The following SUSD6 variants were observed in gnomAD, a reference collection of about 807,000 sequenced individuals.
SUSD6 encodes sushi domain-containing protein 6.
A neutral mutation model predicts 28.4 loss-of-function variants in SUSD6; 16 were observed. That is an observed-to-expected ratio of 0.56 (90% confidence interval 0.38 to 0.86). SUSD6 has a LOEUF of 0.86. Ranked by LOEUF, SUSD6 falls within the 40% of genes least tolerant of loss-of-function variation. The probability of loss-of-function intolerance (pLI) is 0.00; values close to 1 mark genes in which losing one functional copy is unlikely to be tolerated. For missense variants in SUSD6, 341 were observed against 384.2 expected, an observed-to-expected ratio of 0.89 and a Z score of 0.94; for synonymous variants, 147 against 159.6, an observed-to-expected ratio of 0.92 and a Z score of 0.59.
At chr14:69,702,888 G>A (rs186352854) in intron 2 of SUSD6, among the ~76,000 whole-genome samples, 32 of 152,302 alleles carry the variant, frequency 2.1e-4, no homozygotes, top group African/African-American at 6.7e-4. Context: ...TCAGAGAATG[G>A]AAGATGCACA....
chr14:69,697,823 C>T (rs1188429966), intron 2 of SUSD6, among the ~76,000 whole-genome samples: 1 of 152,190 alleles, frequency 6.6e-6, no homozygotes, highest in African/African-American at 2.4e-5. Context: ...CATATTTGAG[C>T]AGCTTGTGTC....
chr14:69,651,370 T>C (rs551973314), intron 1 of SUSD6, among the ~76,000 whole-genome samples: 1 of 152,270 alleles, frequency 6.6e-6, no homozygotes, highest in African/African-American at 2.4e-5. Flanking sequence ...GCGCAGGGAA[T>C]ATCAAAGCAA....
chr14:69,642,575 A>G (rs1273826009), intron 1 of SUSD6, among the ~76,000 whole-genome samples: 3 of 152,144 alleles, frequency 2.0e-5, no homozygotes, highest in Non-Finnish European at 4.4e-5. Context: ...AACCCATCAG[A>G]TCTTGTGAGA....
intron 4 of SUSD6, among the ~76,000 whole-genome samples, chr14:69,707,386 A>G (rs903357211): frequency 6.6e-6 from 1 of 152,230 alleles, no homozygotes; most frequent in Non-Finnish European, 1.5e-5. Flanking sequence ...CCTCACACGT[A>G]TGATGTTGAG....
intron 1 of SUSD6, among the ~76,000 whole-genome samples, chr14:69,612,927 C>G (rs75145984): frequency 1.0e-3 from 156 of 152,256 alleles, no homozygotes; most frequent in African/African-American, 3.6e-3. Context: ...ATAGGAGTTA[C>G]GCACACACAC....
intron 1 of SUSD6, among the ~76,000 whole-genome samples, chr14:69,645,240 C>G (rs1336724837): frequency 6.6e-6 from 1 of 152,136 alleles, no homozygotes; most frequent in Non-Finnish European, 1.5e-5. Context: ...AATCCTAAAC[C>G]TGAAACTCAG....
rs1886477620 is a variant in SUSD6 at position 69,712,441 on chromosome 14, G to A, written c.*1462G>A. The A allele has an allele frequency of 6.6e-6, 1 of 152,306 alleles. No homozygotes were observed. Among genetic ancestry groups the A allele is most frequent in the South Asian group, 2.1e-4 (1 of 4,832 alleles). 9.4% of individuals were successfully genotyped at this position (152,306 alleles called of 1,614,324 possible). On this transcript the variant is annotated 3_prime_UTR_variant, in exon 6 of 6. Coordinates refer to ENST00000342745, the MANE Select transcript of SUSD6 (RefSeq NM_014734.4). ...ACTGCTGTCATCTTAGAAGATAGAT[G>A]CAGCAGTAAGGAATGTTTGTTTTGC...
intron 1 of SUSD6, among the ~76,000 whole-genome samples, chr14:69,612,311 C>G (rs1247589215): frequency 2.0e-5 from 3 of 152,194 alleles, no homozygotes; most frequent in East Asian, 1.9e-4. Context: ...CTGAGGAAAT[C>G]TCAGAGCCCG....
chr14:69,703,877 C>T (rs1366440708), intron 3 of SUSD6: 17 of 499,122 alleles, frequency 3.4e-5, no homozygotes, highest in Non-Finnish European at 5.1e-5. Flanking sequence ...TGACCCTTGA[C>T]CATGTTCTGC....
chr14:69,617,027 A>G (rs1285500038), intron 1 of SUSD6: 2 of 152,248 alleles, frequency 1.3e-5, no homozygotes, highest in Non-Finnish European at 2.9e-5. Context: ...ATATAGATGG[A>G]ATCATATGAT....
intron 2 of SUSD6, among the ~76,000 whole-genome samples, chr14:69,665,587 G>A (rs1469600252): frequency 6.6e-6 from 1 of 152,140 alleles, no homozygotes; most frequent in African/African-American, 2.4e-5. Flanking sequence ...TTGTCCCTAG[G>A]ATTTCTTCAC....
rs1231551051 is a variant in SUSD6 at position 69,611,596 on chromosome 14, A to G, written c.-313A>G. 6.9e-6 allele frequency: 1 copy of G among 145,024 alleles called. No homozygotes were observed. Among genetic ancestry groups the G allele is most frequent in the Non-Finnish European group, 1.5e-5 (1 of 66,420 alleles). 9.0% of individuals were successfully genotyped at this position (145,024 alleles called of 1,614,324 possible). On this transcript the variant is annotated 5_prime_UTR_variant, in exon 1 of 6. Coordinates refer to ENST00000342745, the MANE Select transcript of SUSD6 (RefSeq NM_014734.4). ...CCCGCCCGCGCGGTACAGCTGGGTCAGTGACGCGGGCGCTGCAGCCGTCGC... is the reference window on the plus strand; with the variant it reads ...CCCGCCCGCGCGGTACAGCTGGGTCGGTGACGCGGGCGCTGCAGCCGTCGC...
At chr14:69,614,137 G>A (rs942791025) in intron 1 of SUSD6, among the ~76,000 whole-genome samples, 2 of 152,190 alleles carry the variant, frequency 1.3e-5, no homozygotes, top group Middle Eastern at 3.4e-3. Context: ...GCACGATCTC[G>A]GCTCACTGCA....
intron 1 of SUSD6, among the ~76,000 whole-genome samples, chr14:69,633,385 C>G (rs1162325977): frequency 1.3e-5 from 2 of 152,222 alleles, no homozygotes; most frequent in African/African-American, 2.4e-5. Context: ...CTGTTCTTCC[C>G]TGATCCTTGG....
intron 2 of SUSD6, among the ~76,000 whole-genome samples, chr14:69,682,786 A>G (rs1359432382): frequency 6.6e-6 from 1 of 152,192 alleles, no homozygotes; most frequent in Non-Finnish European, 1.5e-5. Flanking sequence ...TGCAACTCTG[A>G]AAACTATGCT....
chr14:69,704,661 C>T lies in SUSD6; in HGVS notation c.377C>T (p.Ala126Val). The change falls in exon 4 of 6, where the codon GCC (alanine) becomes GTC (valine). Residue 126 changes from alanine (A) to valine (V), a missense_variant. Physicochemically the swap from Ala to Val is moderately conservative, Grantham distance 64 (BLOSUM62 0). Transcript: ENST00000342745. ...ACGCTGTCTATAGTGGCTTCTACTG[C>T]CAGCTCCGTGGCGCTCATTCTCCTC... ...VPTLSIVAST[A>V]SSVALILLLV... 2 of 1,614,116 alleles carry T rather than the reference C, an allele frequency of 1.2e-6. No individual in the cohort carries two copies. Among genetic ancestry groups the T allele is most frequent in the Non-Finnish European group, 1.7e-6 (2 of 1,179,986 alleles).
In SUSD6 at chr14:69,679,173, G is replaced by A. The variant is rs146299525; in HGVS notation, c.121+20460G>A. ...GTAGATTTTTTGAACTTTTCTTACG[G>A]CAGTGGTTTTCAAGGACCTTTGAGA... On this transcript the variant is annotated intron_variant, in intron 2 of 5. Transcript: ENST00000342745. Among the ~76,000 whole-genome samples the A allele has an allele frequency of 7.2e-4, 109 of 152,142 alleles. 1 individual carries two copies. In the South Asian group the frequency reaches 0.015, roughly 21 times the overall value.
chr14:69,661,142 G>A (rs1437511727), intron 2 of SUSD6, among the ~76,000 whole-genome samples: 1 of 152,116 alleles, frequency 6.6e-6, no homozygotes, highest in Admixed American at 6.5e-5. Flanking sequence ...ACTGTGACCT[G>A]CCTCTTCCAA....
intron 2 of SUSD6, among the ~76,000 whole-genome samples, chr14:69,668,743 T>A (rs537878879): frequency 6.6e-6 from 1 of 152,208 alleles, no homozygotes; most frequent in Admixed American, 6.5e-5. Flanking sequence ...GGTGTTTGGA[T>A]CATGGGAGCA....
Sources: allele counts gnomAD v4.1 joint callset (sites outside exome capture counted in the v4.1 genomes callset), GRCh38; gene constraint gnomAD v4.1.1; transcripts MANE v1.5; gene names NCBI Gene and HGNC (gene_info 2026-07-23, HGNC 2026-07-21).